ULK4: variants seen among roughly 807,000 people sequenced by gnomAD.
The protein encoded by ULK4 is inactive serine/threonine-protein kinase ULK4.
ULK4 carries 133 observed loss-of-function variants against 160.6 expected under a neutral mutation model. The ratio of observed to expected loss-of-function variants is 0.83; its 90% CI spans 0.72 to 0.96. The LOEUF is 0.96. ULK4 is among the 40% of genes least tolerant of loss of function. The pLI is 0.00. For synonymous variants in ULK4, 534 were observed against 539.8 expected (o/e 0.99, Z 0.15); for missense variants, 1,580 against 1,499.5 (o/e 1.05, Z -0.89).
intron 29 of ULK4, among the ~76,000 whole-genome samples, chr3:41,670,197 A>G (rs963790116): frequency 1.1e-4 from 17 of 152,332 alleles, no homozygotes; most frequent in Admixed American, 1.0e-3. Flanking sequence ...GCAGGCTGCC[A>G]AACAGCAAGG....
chr3:41,916,204 C>T (rs1698960959), intron 7 of ULK4, 152 bp from the exon 8 acceptor site: 3 of 559,988 alleles, frequency 5.4e-6, no homozygotes, highest in Non-Finnish European at 9.4e-6. Context: ...ACAATTATAT[C>T]CTCTATTTAA....
chr3:41,753,875 A>C (rs1384067767), intron 22 of ULK4, among the ~76,000 whole-genome samples: 1 of 152,232 alleles, frequency 6.6e-6, no homozygotes, highest in Non-Finnish European at 1.5e-5. Flanking sequence ...GGGAGGCCTC[A>C]GGAAACTTAC....
chr3:41,758,052 G>A (rs1426527348), intron 21 of ULK4, among the ~76,000 whole-genome samples: 1 of 152,120 alleles, frequency 6.6e-6, no homozygotes, highest in Admixed American at 6.5e-5. Flanking sequence ...AGGTCATAAG[G>A]ACTATCCCTC....
intron 30 of ULK4, among the ~76,000 whole-genome samples, chr3:41,629,777 C>T (rs1286361579): frequency 6.6e-6 from 1 of 151,854 alleles, no homozygotes; most frequent in African/African-American, 2.4e-5. Flanking sequence ...ATCACTTGAG[C>T]ACCAAGAGTT....
chr3:41,572,001 C>T (rs1406917488), intron 31 of ULK4, among the ~76,000 whole-genome samples: 3 of 152,176 alleles, frequency 2.0e-5, no homozygotes, highest in South Asian at 2.1e-4. Flanking sequence ...TGAGAACTTA[C>T]TATGTGCCAT....
At chr3:41,574,494 C>T (rs1301411712) in intron 31 of ULK4, among the ~76,000 whole-genome samples, 1 of 147,564 alleles carries the variant, frequency 6.8e-6, no homozygotes, top group Non-Finnish European at 1.5e-5. Flanking sequence ...GGTGTCTCTA[C>T]TTCCAGCTTC....
chr3:41,944,594 T>G (rs547477536), intron 2 of ULK4, among the ~76,000 whole-genome samples: 26 of 152,146 alleles, frequency 1.7e-4, no homozygotes, highest in Non-Finnish European at 3.4e-4. Flanking sequence ...CCACTCCCTC[T>G]TTTTATAAGA....
chr3:41,717,081 G>GT (rs1039097155), intron 23 of ULK4, among the ~76,000 whole-genome samples: 11 of 152,068 alleles, frequency 7.2e-5, no homozygotes, highest in African/African-American at 2.7e-4. Context: ...AAAAAAGTGG[G>GT]TCAAAGGGTA....
intron 22 of ULK4, among the ~76,000 whole-genome samples, chr3:41,734,657 A>C (rs1335269231): frequency 6.6e-6 from 1 of 152,194 alleles, no homozygotes; most frequent in Non-Finnish European, 1.5e-5. Context: ...GAAAGCAAGG[A>C]ATGTAGATTA....
At chr3:41,286,267 G>T (rs1225954026) in intron 35 of ULK4, among the ~76,000 whole-genome samples, 1 of 152,108 alleles carries the variant, frequency 6.6e-6, no homozygotes, top group African/African-American at 2.4e-5. Flanking sequence ...CTCTGAGACG[G>T]GCGTTATTTT....
intron 2 of ULK4, among the ~76,000 whole-genome samples, chr3:41,947,007 T>C (rs1322225383): frequency 6.6e-6 from 1 of 152,170 alleles, no homozygotes; most frequent in African/African-American, 2.4e-5. Flanking sequence ...ATGAATTTGT[T>C]ACATTATCCA....
rs1338203990 is a variant in ULK4, at chr3:41,824,335, GCA to G, written c.1765-4831_1765-4830del. On this transcript the variant is annotated intron_variant, in intron 18 of 36. Transcript: ENST00000301831. Reference sequence around the variant, plus strand: ...CAGTGGGTGCAGGACAGTGGGTGCAGCACACCGAGCATAAGACAAAGCAGGGT... The same window carrying G: ...CAGTGGGTGCAGGACAGTGGGTGCAGCACCGAGCATAAGACAAAGCAGGGT... Among the ~76,000 whole-genome samples the G allele has an allele frequency of 2.3e-4, 35 of 152,124 alleles. No individual in the cohort carries two copies. In the Middle Eastern group the frequency reaches 0.017, roughly 74 times the overall value.
At chr3:41,495,608 C>G (rs1247891029) in intron 32 of ULK4, among the ~76,000 whole-genome samples, 1 of 150,382 alleles carries the variant, frequency 6.6e-6, no homozygotes, top group African/African-American at 2.4e-5. Context: ...AGCTTCTGCA[C>G]AGCAAAAGAA....
intron 32 of ULK4, among the ~76,000 whole-genome samples, chr3:41,526,334 C>A (rs1455568760): frequency 6.6e-6 from 1 of 152,030 alleles, no homozygotes; most frequent in Non-Finnish European, 1.5e-5. Flanking sequence ...AGGGACAGAG[C>A]CAGAGGTATG....
chr3:41,603,939 T>C (rs146503020), intron 31 of ULK4, among the ~76,000 whole-genome samples: 5 of 152,208 alleles, frequency 3.3e-5, no homozygotes, highest in African/African-American at 9.6e-5. Flanking sequence ...AACTATTCAA[T>C]AGATGCATAT....
intron 27 of ULK4, among the ~76,000 whole-genome samples, chr3:41,689,275 C>G (rs1216979400): frequency 6.6e-6 from 1 of 152,186 alleles, no homozygotes; most frequent in Non-Finnish European, 1.5e-5. Context: ...TTCTACCCAC[C>G]AGTGTAAGTC....
intron 18 of ULK4, among the ~76,000 whole-genome samples, chr3:41,831,532 T>TATAAA (rs577123829): frequency 1.6e-5 from 2 of 125,890 alleles, no homozygotes; most frequent in Admixed American, 7.4e-5. Flanking sequence ...TATATATATA[T>TATAAA]TTTTTTTTCT....
intron 24 of ULK4, 54 bp downstream of exon 24, chr3:41,715,393 T>G: frequency 6.2e-7 from 1 of 1,613,006 alleles, no homozygotes; most frequent in Non-Finnish European, 8.5e-7. Context: ...TCAGCTCCAG[T>G]TTACAAAGAG....
intron 11 of ULK4, among the ~76,000 whole-genome samples, chr3:41,910,948 C>A (rs768049896): frequency 6.6e-6 from 1 of 152,066 alleles, no homozygotes; most frequent in Non-Finnish European, 1.5e-5. Context: ...GGGCAATAGA[C>A]GGAGATCTTG....
Sources: allele counts gnomAD v4.1 joint callset (sites outside exome capture counted in the v4.1 genomes callset), GRCh38; gene constraint gnomAD v4.1.1; transcripts MANE v1.5; gene names NCBI Gene and HGNC (gene_info 2026-07-23, HGNC 2026-07-21).